CTRB1: variants seen among roughly 807,000 people sequenced by gnomAD.
CTRB1 encodes chymotrypsinogen B1.
In CTRB1, 15 loss-of-function variants were observed where a neutral mutation model predicts 20.4. The ratio of observed to expected loss-of-function variants is 0.74; its 90% CI spans 0.49 to 1.13. The LOEUF (loss-of-function observed/expected upper bound fraction) is 1.13, where lower values mean the gene tolerates loss of function less well. Ranked by LOEUF, CTRB1 falls within the 50% of genes most tolerant of loss-of-function variation. The pLI, the probability that CTRB1 is intolerant of heterozygous loss-of-function variation, is 0.00. For synonymous variants in CTRB1, 92 were observed against 128.4 expected, an observed-to-expected ratio of 0.72 and a Z score of 1.92; for missense variants, 227 against 290.1, an observed-to-expected ratio of 0.78 and a Z score of 1.58.
In CTRB1 at chr16:75,222,071, A is replaced by G. The variant is rs868830624; in HGVS notation, c.53-697A>G. Among the ~76,000 whole-genome samples the G allele has an allele frequency of 1.9e-4, 9 of 46,272 alleles. No individual in the cohort carries two copies. In the South Asian group the frequency reaches 7.9e-3, roughly 40 times the overall value. 30.4% of individuals were successfully genotyped at this position (46,272 alleles called of 152,430 possible). A position where few individuals can be genotyped will look rare whatever the true frequency, so the allele number is the denominator to read the frequency against. ...GCAAGACTGTCTCAAAAAGAAAAAA[A>G]AAAAAAAAAAAAAAAGGAATTTGAG... On this transcript the variant is annotated intron_variant, in intron 1 of 6. Coordinates refer to ENST00000361017, the MANE Select transcript of CTRB1 (RefSeq NM_001906.6).
chr16:75,224,562 C>A, intron 6 of CTRB1, 143 bp from the exon 7 acceptor site: 1 of 1,009,918 alleles, frequency 9.9e-7, no homozygotes, highest in Non-Finnish European at 1.4e-6. Context: ...CTACTAGGGT[C>A]TTTCATAACC....
intron 1 of CTRB1, among the ~76,000 whole-genome samples, chr16:75,221,404 G>C (rs2039082044): frequency 6.6e-6 from 1 of 152,132 alleles, no homozygotes; most frequent in South Asian, 2.1e-4. Context: ...CTGTCACCCA[G>C]GCTGGAGTGC....
intron 1 of CTRB1, among the ~76,000 whole-genome samples, chr16:75,219,859 C>T (rs971650601): frequency 6.6e-6 from 1 of 152,216 alleles, no homozygotes; most frequent in Non-Finnish European, 1.5e-5. Flanking sequence ...GGAATGTGAG[C>T]TTGATTCTGA....
At chr16:75,220,041 G>C (rs952059101) in intron 1 of CTRB1, among the ~76,000 whole-genome samples, 2 of 152,228 alleles carry the variant, frequency 1.3e-5, no homozygotes, top group Non-Finnish European at 2.9e-5. Flanking sequence ...ACCCAGGCTG[G>C]AGTGCAGTAG....
chr16:75,224,540 C>T (rs1032867047), intron 6 of CTRB1, among the ~76,000 whole-genome samples, 165 bp from the exon 7 acceptor site: 3 of 152,240 alleles, frequency 2.0e-5, no homozygotes, highest in African/African-American at 7.2e-5. Flanking sequence ...GGGGCATGAA[C>T]CACATAAGCA....
chr16:75,222,787 C>G lies in CTRB1; in HGVS notation c.72C>G (p.Ile24Met), dbSNP rs752358929. 1.4e-5 allele frequency: 21 copies of G among 1,555,462 alleles called. No homozygotes were observed. The highest frequency in any genetic ancestry group is 1.8e-5 in the Non-Finnish European group (21 of 1,148,924). ...CCCCAGGCTGCGGGGTCCCCGCCATCCACCCTGTGCTCAGCGGCCTGTCCA... is the reference window on the plus strand; with the variant it reads ...CCCCAGGCTGCGGGGTCCCCGCCATGCACCCTGTGCTCAGCGGCCTGTCCA... ...GAAFGCGVPAIHPVLSGLSRI... is the reference protein window; with the variant it reads ...GAAFGCGVPAMHPVLSGLSRI... Residue 24 changes from isoleucine to methionine, a missense_variant, in exon 2 of 7, where the codon ATC becomes ATG. Transcript: ENST00000361017.
intron 1 of CTRB1, among the ~76,000 whole-genome samples, chr16:75,219,639 C>T (rs2151374029): frequency 6.6e-6 from 1 of 152,280 alleles, no homozygotes; most frequent in African/African-American, 2.4e-5. Flanking sequence ...CCGCCTCGGC[C>T]TCCCAAAGTG....
At position 75,224,664 on chromosome 16, in the gene CTRB1, C is replaced by T. The variant is rs748676414; in HGVS notation, c.631-41C>T. The stretch of plus-strand genomic sequence containing the variant: ...CCAGTGGCCCCTGGGACCAGTCTGT[C>T]TCGGCTGCCAGATCCAAGCCCCCTT... On this transcript the variant is annotated intron_variant, in intron 6 of 6. Coordinates refer to ENST00000361017, the MANE Select transcript of CTRB1 (RefSeq NM_001906.6). 1.9e-6 allele frequency: 3 copies of T among 1,577,424 alleles called. No individual in the cohort carries two copies. The Admixed American group carries it at 5.6e-5, about 29-fold the overall frequency.
chr16:75,219,130 C>A (rs570657605), intron 1 of CTRB1, 71 bp downstream of exon 1: 3 of 1,485,400 alleles, frequency 2.0e-6, no homozygotes, highest in Non-Finnish European at 1.8e-6. Context: ...ATCTGAGTCC[C>A]CTGCTCTGCC....
intron 4 of CTRB1, 52 bp downstream of exon 4, chr16:75,223,271 C>T (rs1260091171): frequency 7.5e-7 from 1 of 1,335,640 alleles, no homozygotes; most frequent in African/African-American, 1.4e-5. Flanking sequence ...GGGGGGAGAC[C>T]CCTCGGCTGC....
intron 1 of CTRB1, among the ~76,000 whole-genome samples, chr16:75,222,185 A>C (rs1262324389): frequency 6.6e-6 from 1 of 151,726 alleles, no homozygotes; most frequent in Admixed American, 6.6e-5. Flanking sequence ...AGAAACCCAA[A>C]CTTTACACAA....
In CTRB1 at chr16:75,224,886, C is replaced by G; in HGVS notation, c.*20C>G. On this transcript the variant is annotated 3_prime_UTR_variant, in exon 7 of 7. Coordinates refer to ENST00000361017, the MANE Select transcript of CTRB1 (RefSeq NM_001906.6). ...AACTGAGCCCGCGGCTCCCTCCGAC[C>G]CTGCTCCCCACAGAGCCTCAGTAAA... 6.2e-7 allele frequency: 1 copy of G among 1,612,762 alleles called. No individual in the cohort carries two copies. The highest frequency in any genetic ancestry group is 1.1e-5 in the South Asian group (1 of 91,064).
At chr16:75,222,534 G>A (rs2076701311) in intron 1 of CTRB1, 2 of 576,856 alleles carry the variant, frequency 3.5e-6, no homozygotes, top group Non-Finnish European at 6.1e-6. Flanking sequence ...CAGGCCCCAG[G>A]TAGGAGGAGA....
intron 1 of CTRB1, among the ~76,000 whole-genome samples, chr16:75,219,869 A>C (rs922640377): frequency 6.6e-6 from 1 of 152,190 alleles, no homozygotes; most frequent in East Asian, 1.9e-4. Context: ...CTTGATTCTG[A>C]ACTTTCTATG....
chr16:75,224,498 G>A (rs1442477399), intron 6 of CTRB1, among the ~76,000 whole-genome samples: 3 of 152,230 alleles, frequency 2.0e-5, no homozygotes, highest in Admixed American at 2.0e-4. Flanking sequence ...TGCCATTAAA[G>A]GGTCCCATTC....
intron 1 of CTRB1, chr16:75,222,548 G>A: frequency 1.7e-6 from 1 of 590,362 alleles, no homozygotes; most frequent in South Asian, 2.3e-5. Flanking sequence ...GAGGAGACAT[G>A]ACGCTCTGCA....
Position 75,222,567 on chromosome 16 carries a change from G to C in CTRB1, c.53-201G>C, listed in dbSNP as rs1031616963. On this transcript the variant is annotated intron_variant, in intron 1 of 6. Transcript: ENST00000361017. ...AGACATGACGCTCTGCATCCTGGAA[G>C]GATGACTGGAGCCAGCAGGCCGAGA... 8.2e-6 allele frequency: 5 copies of C among 609,194 alleles called. No homozygotes were observed. In the African/African-American group the frequency reaches 9.2e-5, roughly 11 times the overall value. The allele number at this position is 609,194 out of a possible 1,614,324, so 37.7% of individuals were successfully genotyped here.
intron 6 of CTRB1, 144 bp downstream of exon 6, chr16:75,224,332 G>T: frequency 1.4e-6 from 2 of 1,473,870 alleles, no homozygotes; most frequent in South Asian, 1.3e-5. Flanking sequence ...CATGGCCAAT[G>T]TCAGAGCCAA....
At chr16:75,223,260 CG>C in intron 4 of CTRB1, 41 bp downstream of exon 4, 4 of 1,031,150 alleles carry the variant, frequency 3.9e-6, no homozygotes, top group South Asian at 1.4e-5. Flanking sequence ...GCCGTGGGCA[CG>C]GGGGGAGACC....
Sources: gnomAD v4.1 joint callset for allele counts (sites outside exome capture counted in the v4.1 genomes callset) on GRCh38, gnomAD v4.1.1 for gene constraint, MANE v1.5 for transcripts, NCBI Gene and HGNC (gene_info 2026-07-23, HGNC 2026-07-21) for gene names.